PDE6A: variants seen among roughly 807,000 people sequenced by gnomAD.
The protein encoded by PDE6A is phosphodiesterase 6A.
Under a neutral mutation model 106.3 loss-of-function variants are expected in PDE6A, and 84 were observed. That is an observed-to-expected ratio of 0.79 (90% CI 0.66 to 0.95). The LOEUF (loss-of-function observed/expected upper bound fraction) is 0.95. PDE6A is among the 40% of genes least tolerant of loss of function. The probability of loss-of-function intolerance (pLI) is 0.00; values close to 1 mark genes in which losing one functional copy is unlikely to be tolerated. For missense variants in PDE6A, 1,052 were observed against 1,084.9 expected (o/e 0.97, Z 0.43); for synonymous variants, 394 against 386.6 (o/e 1.02, Z -0.23).
chr5:149,885,383 T>C (rs1444913040), intron 14 of PDE6A, among the ~76,000 whole-genome samples: 2 of 152,226 alleles, frequency 1.3e-5, no homozygotes, highest in African/African-American at 4.8e-5. Context: ...TTTTCTCATC[T>C]GTAAGTAGGG....
intron 17 of PDE6A, among the ~76,000 whole-genome samples, chr5:149,874,936 C>T (rs10035492): frequency 0.2 from 30,243 of 151,924 alleles, 4,576 homozygotes; most frequent in African/African-American, 0.42. Flanking sequence ...AAGTAGGCAC[C>T]ACCATGATCC....
intron 8 of PDE6A, among the ~76,000 whole-genome samples, chr5:149,902,987 C>G (rs1038928223): frequency 1.3e-5 from 2 of 151,374 alleles, no homozygotes; most frequent in African/African-American, 4.9e-5. Context: ...ACAGCATAAG[C>G]AAAGGTGCTG....
intron 4 of PDE6A, among the ~76,000 whole-genome samples, chr5:149,923,606 A>G (rs1753795464): frequency 6.6e-6 from 1 of 152,160 alleles, no homozygotes; most frequent in Non-Finnish European, 1.5e-5. Context: ...AAAAGTGGCC[A>G]AGACACAGGC....
At chr5:149,902,187 T>C (rs1753002173) in intron 8 of PDE6A, among the ~76,000 whole-genome samples, 1 of 152,204 alleles carries the variant, frequency 6.6e-6, no homozygotes, top group African/African-American at 2.4e-5. Flanking sequence ...TCTCCCTCAA[T>C]TTCTCACTCA....
chr5:149,909,631 A>G (rs1753310085), intron 6 of PDE6A, among the ~76,000 whole-genome samples: 1 of 152,198 alleles, frequency 6.6e-6, no homozygotes, highest in Non-Finnish European at 1.5e-5. Context: ...CCTGACTGAT[A>G]TGGATGGATG....
intron 8 of PDE6A, among the ~76,000 whole-genome samples, chr5:149,900,366 A>AATATATATATATATATATATAT (rs1256037154): frequency 5.5e-4 from 7 of 12,792 alleles, no homozygotes; most frequent in Non-Finnish European, 1.0e-3. Context: ...CATCTCGAAA[A>AATATATATATATATATATATAT]ATATATATGT....
chr5:149,863,012 C>T lies in PDE6A; in HGVS notation c.2506+107G>A. On this transcript the variant is annotated intron_variant, in intron 21 of 21. Transcript: ENST00000255266. The surrounding 1 kb of genome is among the most constrained non-coding windows in gnomAD (Gnocchi z 4.7). The stretch of plus-strand genomic sequence containing the variant: ...ACAGAATGGGGACAGTATTGGCCAT[C>T]AGGAGGCCTGAATGAGACTCCGTGT... The T allele has an allele frequency of 7.4e-7, 1 of 1,358,684 alleles. No homozygotes were observed. Among genetic ancestry groups the T allele is most frequent in the East Asian group, 2.3e-5 (1 of 43,576 alleles). The allele number at this position is 1,358,684 out of a possible 1,614,324, so 84.2% of individuals were successfully genotyped here. A position where few individuals can be genotyped will look rare whatever the true frequency, so the allele number is the denominator to read the frequency against.
intron 8 of PDE6A, 35 bp from the exon 9 acceptor site, chr5:149,899,559 T>C (rs757575842): frequency 6.2e-7 from 1 of 1,609,906 alleles, no homozygotes; most frequent in Non-Finnish European, 8.5e-7. Flanking sequence ...TTTCCTCTTG[T>C]TTCAGGCCAC....
chr5:149,867,794 A>G lies in PDE6A; in HGVS notation c.2205T>C (p.Ala735=). ...CCCAGAATTCAGCAGCCACCAGCAG[A>G]GCTACCTGCAACAGACAGACCCTCA... ...TKPWEVQSQV[A]LLVAAEFWEQ... is the part of the protein sequence containing the mutation. Residue 735 remains alanine (A), a synonymous_variant, in exon 19 of 22, where the codon GCT becomes GCC. Coordinates refer to ENST00000255266, the MANE Select transcript of PDE6A (RefSeq NM_000440.3). The G allele has an allele frequency of 6.2e-7, 1 of 1,613,006 alleles. No homozygotes were observed. Among genetic ancestry groups the G allele is most frequent in the Non-Finnish European group, 8.5e-7 (1 of 1,179,966 alleles).
intron 13 of PDE6A, among the ~76,000 whole-genome samples, chr5:149,887,932 C>T (rs975952945): frequency 6.6e-6 from 1 of 152,088 alleles, no homozygotes; most frequent in Non-Finnish European, 1.5e-5. Context: ...TTATGCTGGG[C>T]GTAAAGCCTG....
intron 3 of PDE6A, chr5:149,932,536 G>T (rs1754067538): frequency 7.1e-7 from 1 of 1,401,676 alleles, no homozygotes; most frequent in Non-Finnish European, 1.0e-6. Context: ...CTAGCATTTG[G>T]AACTCCTTTT....
Position 149,921,618 on chromosome 5 carries a change from G to C in PDE6A, c.933+17C>G. On this transcript the variant is annotated intron_variant, in intron 5 of 21. Transcript: ENST00000255266. The stretch of plus-strand genomic sequence containing the variant: ...TGAATATATTAAATCATACTGAAAA[G>C]GTCAGAGAGAACGTACTCTTCCATC... The C allele has an allele frequency of 1.3e-6, 2 of 1,596,258 alleles. No individual in the cohort carries two copies.
At chr5:149,886,213 G>A (rs1752292058) in intron 14 of PDE6A, 52 bp downstream of exon 14, 1 of 1,330,150 alleles carries the variant, frequency 7.5e-7, no homozygotes, top group Admixed American at 1.7e-5. Flanking sequence ...GAGCCACACA[G>A]AGCTGGATAA....
At chr5:149,905,884 G>A (rs917722635) in intron 7 of PDE6A, among the ~76,000 whole-genome samples, 1 of 152,012 alleles carries the variant, frequency 6.6e-6, no homozygotes, top group Admixed American at 6.5e-5. Context: ...TAGAGACAGG[G>A]TCTCCCTCTG....
At chr5:149,931,233 G>C (rs1581209484) in intron 3 of PDE6A, 65 bp from the exon 4 acceptor site, 2 of 1,458,454 alleles carry the variant, frequency 1.4e-6, no homozygotes, top group East Asian at 4.5e-5. Flanking sequence ...CTTAGCTGGA[G>C]AATAACAACA....
At position 149,898,501 on chromosome 5, in the gene PDE6A, C is replaced by G. The variant is rs1169153413; in HGVS notation, c.1269G>C (p.Leu423Phe). The G allele has an allele frequency of 1.2e-6, 2 of 1,613,128 alleles. No individual in the cohort carries two copies. The highest frequency in any genetic ancestry group is 8.5e-7 in the Non-Finnish European group (1 of 1,179,914). ...AGACAGACCAGCCCAGAAATTGAGT[C>G]AAAGACTGAAAAAGAAAGAAAGGAG... ...DEMDETLMES[L>F]TQFLGWSVLN... Residue 423 changes from leucine to phenylalanine, a missense_variant, in exon 10 of 22, where the codon TTG becomes TTC. This residue lies in a region of PDE6A where 913 missense variants were observed against 915.2 expected (regional missense o/e 1.00). Transcript: ENST00000255266.
At chr5:149,896,249 C>T in intron 12 of PDE6A, 107 bp downstream of exon 12, 1 of 906,002 alleles carries the variant, frequency 1.1e-6, no homozygotes, top group Non-Finnish European at 1.8e-6. Flanking sequence ...ATCCTAAATA[C>T]TGAGAGTAAA....
At chr5:149,902,821 CAA>C (rs773375068) in intron 8 of PDE6A, among the ~76,000 whole-genome samples, 2 of 105,528 alleles carry the variant, frequency 1.9e-5, no homozygotes. Flanking sequence ...GACTCCGTCT[CAA>C]AAAAAAAAAA....
rs769487994 is a variant in PDE6A, at chr5:149,944,501, C to G, written c.173G>C (p.Ser58Thr). 6 of 1,614,030 alleles carry G rather than the reference C, an allele frequency of 3.7e-6. No individual in the cohort carries two copies. Among genetic ancestry groups the G allele is most frequent in the Non-Finnish European group, 5.1e-6 (6 of 1,180,028 alleles). The change falls in exon 1 of 22, where the codon AGC becomes ACC. Residue 58 changes from serine (S) to threonine (T), a missense_variant. Physicochemically the swap from Ser to Thr is moderately conservative, Grantham distance 58. This residue lies in a region of PDE6A where 913 missense variants were observed against 915.2 expected (regional missense o/e 1.00). Coordinates refer to ENST00000255266, the MANE Select transcript of PDE6A (RefSeq NM_000440.3). ...NYHSPSSMEE[S>T]EIIFDLLRDF... ...CCGCAGGAGATCAAAGATGATTTCGCTCTCCTCCATGCTGCTCGGGGAGTG... is the reference window on the plus strand; with the variant it reads ...CCGCAGGAGATCAAAGATGATTTCGGTCTCCTCCATGCTGCTCGGGGAGTG...
Sources: allele counts gnomAD v4.1 joint callset (sites outside exome capture counted in the v4.1 genomes callset), GRCh38; gene constraint gnomAD v4.1.1; regional missense constraint gnomAD v4.1.1; non-coding constraint Gnocchi (gnomAD v3.1); transcripts MANE v1.5; gene names NCBI Gene and HGNC (gene_info 2026-07-23, HGNC 2026-07-21).